The following RADIL variants were observed in gnomAD, a reference collection of about 807,000 sequenced individuals.
RADIL encodes the protein ras-associating and dilute domain-containing protein.
Under a neutral mutation model 97.6 loss-of-function variants are expected in RADIL, and 99 were observed. That is an observed-to-expected ratio of 1.01 (90% CI 0.86 to 1.20). RADIL has a LOEUF of 1.20. Among genes scored for constraint, RADIL ranks in the 50% most tolerant of loss-of-function variants. The pLI, the probability that RADIL is intolerant of heterozygous loss-of-function variation, is 0.00. For missense variants in RADIL, 1,765 were observed against 1,498.9 expected, an observed-to-expected ratio of 1.18 and a Z score of -2.93; for synonymous variants, 803 against 691.8, an observed-to-expected ratio of 1.16 and a Z score of -2.52.
intron 1 of RADIL, among the ~76,000 whole-genome samples, chr7:4,882,756 T>A (rs1257224068): frequency 6.6e-6 from 1 of 152,332 alleles, no homozygotes. Flanking sequence ...TGCTAGCTGC[T>A]GGAGAGGAGA....
intron 2 of RADIL, among the ~76,000 whole-genome samples, chr7:4,856,836 C>G (rs1783844262): frequency 6.6e-6 from 1 of 152,192 alleles, no homozygotes; most frequent in Admixed American, 6.5e-5. Flanking sequence ...CAAACAATGG[C>G]TGATAGGGAT....
chr7:4,860,215 G>C (rs769617507), intron 2 of RADIL: 5 of 1,614,024 alleles, frequency 3.1e-6, no homozygotes, highest in Non-Finnish European at 8.5e-7. Context: ...CAGACATGCT[G>C]TTTTCACAGC....
rs767321138 is a variant in RADIL at position 4,822,596 on chromosome 7, C to T, written c.1455-42G>A. 1.3e-6 allele frequency: 2 copies of T among 1,590,362 alleles called. No homozygotes were observed. Among genetic ancestry groups the T allele is most frequent in the Non-Finnish European group, 1.7e-6 (2 of 1,170,160 alleles). On this transcript the variant is annotated intron_variant, in intron 5 of 14. Coordinates refer to ENST00000399583, the MANE Select transcript of RADIL (RefSeq NM_018059.5). This position sits in a 1 kb window ranked among gnomAD's most constrained non-coding sequence, Gnocchi z 5.3. ...ACTAAGAGTTACGCGGGGACCCGACCCTCAGGAGGCTGAATCTACCACTCT... is the reference window on the plus strand; with the variant it reads ...ACTAAGAGTTACGCGGGGACCCGACTCTCAGGAGGCTGAATCTACCACTCT...
rs1783404309 is a variant in RADIL at position 4,840,133 on chromosome 7, G to A, written c.536-3528C>T. ...GCTTTGTGACTTGGCCCTGTCCCAA[G>A]ATGAGGCTGCGGCAGATGGGACCCA... On this transcript the variant is annotated intron_variant, in intron 2 of 14. Coordinates refer to ENST00000399583, the MANE Select transcript of RADIL (RefSeq NM_018059.5). The surrounding 1 kb of genome is among the most constrained non-coding windows in gnomAD (Gnocchi z 5.6). Among the ~76,000 whole-genome samples the A allele has an allele frequency of 6.6e-6, 1 of 152,200 alleles. No individual in the cohort carries two copies. The highest frequency in any genetic ancestry group is 1.5e-5 in the Non-Finnish European group (1 of 68,044).
chr7:4,852,834 C>T lies in RADIL; in HGVS notation c.536-16229G>A, dbSNP rs145145417. The stretch of plus-strand genomic sequence containing the variant: ...CTGGGATTACAGGCGTGAGCCACCG[C>T]GCCTGGCCCATTTCCCTCACTTTTG... On this transcript the variant is annotated intron_variant, in intron 2 of 14. Transcript: ENST00000399583. Among the ~76,000 whole-genome samples, 1,133 of 152,274 alleles carry T rather than the reference C, an allele frequency of 7.4e-3. 8 individuals carry two copies. Among genetic ancestry groups the T allele is most frequent in the Non-Finnish European group, 0.011 (770 of 68,024 alleles).
At chr7:4,841,910 G>C (rs1783449233) in intron 2 of RADIL, among the ~76,000 whole-genome samples, 1 of 152,136 alleles carries the variant, frequency 6.6e-6, no homozygotes, top group Admixed American at 6.6e-5. Context: ...ACAAAAATTA[G>C]CTGGGTGTGG....
At position 4,837,088 on chromosome 7, in the gene RADIL, C is replaced by T. The variant is rs150734418; in HGVS notation, c.536-483G>A. ...AGGACTCTGCCCTCTAGCCACGCCC[C>T]TCGAAAAACCAGACAGTGCCTTGGC... On this transcript the variant is annotated intron_variant, in intron 2 of 14. Coordinates refer to ENST00000399583, the MANE Select transcript of RADIL (RefSeq NM_018059.5). The surrounding 1 kb of genome is among the most constrained non-coding windows in gnomAD (Gnocchi z 5.6). Among the ~76,000 whole-genome samples the T allele has an allele frequency of 0.015, 2,258 of 152,286 alleles. 31 individuals are homozygous for T. The highest frequency in any genetic ancestry group is 0.027 in the Middle Eastern group (8 of 294).
At chr7:4,826,960 C>T (rs568782324) in intron 5 of RADIL, among the ~76,000 whole-genome samples, 1 of 152,234 alleles carries the variant, frequency 6.6e-6, no homozygotes, top group East Asian at 1.9e-4. Context: ...TGAACCTAAA[C>T]TTTCCCTGGT....
chr7:4,803,999 T>G, intron 10 of RADIL: 1 of 582,472 alleles, frequency 1.7e-6, no homozygotes, highest in Non-Finnish European at 3.2e-6. Flanking sequence ...AACAAGGCCT[T>G]GTAGCCAGGA....
intron 2 of RADIL, chr7:4,861,465 C>G (rs1242947550): frequency 1.2e-6 from 2 of 1,614,074 alleles, no homozygotes; most frequent in Non-Finnish European, 8.5e-7. Context: ...CACAAGGCGT[C>G]AATATCTGCG....
chr7:4,839,515 GT>G (rs1416056921), intron 2 of RADIL, among the ~76,000 whole-genome samples: 2 of 152,168 alleles, frequency 1.3e-5, no homozygotes, highest in East Asian at 3.9e-4. Context: ...CCTAGGCATG[GT>G]GGAAAAAATG....
In RADIL at chr7:4,842,978, G is replaced by A. The variant is rs139478456; in HGVS notation, c.536-6373C>T. Among the ~76,000 whole-genome samples the A allele has an allele frequency of 7.1e-3, 1,076 of 151,004 alleles. 16 individuals are homozygous for A. Among genetic ancestry groups the A allele is most frequent in the African/African-American group, 0.025 (1,021 of 41,048 alleles). ...TCAGAATAGCTGGGACTATAGGTGC[G>A]CACCCCCATGCCCGGCAAGAGACAA... is the stretch of plus-strand genomic sequence containing the variant. On this transcript the variant is annotated intron_variant, in intron 2 of 14. Coordinates refer to ENST00000399583, the MANE Select transcript of RADIL (RefSeq NM_018059.5). The surrounding 1 kb of genome is among the most constrained non-coding windows in gnomAD (Gnocchi z 4.5).
intron 7 of RADIL, 44 bp from the exon 8 acceptor site, chr7:4,816,509 C>T (rs749819171): frequency 3.3e-6 from 5 of 1,527,784 alleles, no homozygotes; most frequent in East Asian, 2.3e-5. Context: ...TTTCCAGGAG[C>T]GCTGGCGGCC....
chr7:4,836,654 A>G, intron 2 of RADIL, 49 bp from the exon 3 acceptor site: 1 of 1,598,642 alleles, frequency 6.3e-7, no homozygotes, highest in Non-Finnish European at 8.5e-7. Context: ...TCATAGCACC[A>G]GGACTGGGCG....
intron 2 of RADIL, among the ~76,000 whole-genome samples, chr7:4,876,461 C>T (rs1466538639): frequency 1.3e-5 from 2 of 151,936 alleles, no homozygotes; most frequent in Non-Finnish European, 2.9e-5. Flanking sequence ...CCACCACGCC[C>T]GGCTAATTTT....
At chr7:4,808,692 AACGCCACT>A (rs1782427898) in intron 9 of RADIL, 1 of 800,648 alleles carries the variant, frequency 1.2e-6, no homozygotes, top group African/African-American at 2.7e-5. Context: ...CCCCCGTTCC[AACGCCACT>A]GCCCCTCCGT....
At position 4,877,772 on chromosome 7, in the gene RADIL, C is replaced by A; in HGVS notation, c.368G>T (p.Gly123Val). 1 of 1,612,970 alleles carries A rather than the reference C, an allele frequency of 6.2e-7. No homozygotes were observed. Among genetic ancestry groups the A allele is most frequent in the Non-Finnish European group, 8.5e-7 (1 of 1,179,994 alleles). ...AAAGCACCGGGCCTGCCACCGCTGCCCAGCATCGCCGGCTTGGCCCACCAC... is the reference window on the plus strand; with the variant it reads ...AAAGCACCGGGCCTGCCACCGCTGCACAGCATCGCCGGCTTGGCCCACCAC... ...CDVVGQAGDA[G>V]QRWQARCFRV... Residue 123 changes from glycine to valine, a missense_variant, in exon 2 of 15, where the codon GGG becomes GTG. Transcript: ENST00000399583.
At chr7:4,852,823 G>A (rs1462537272) in intron 2 of RADIL, among the ~76,000 whole-genome samples, 5 of 152,136 alleles carry the variant, frequency 3.3e-5, no homozygotes, top group East Asian at 3.8e-4. Flanking sequence ...GATTACAGGC[G>A]TGAGCCACCG....
At position 4,854,416 on chromosome 7, in the gene RADIL, G is replaced by T. The variant is rs532838961; in HGVS notation, c.536-17811C>A. Among the ~76,000 whole-genome samples, 1 of 152,284 alleles carries T rather than the reference G, an allele frequency of 6.6e-6. No homozygotes were observed. The highest frequency in any genetic ancestry group is 2.1e-4 in the South Asian group (1 of 4,826). ...GATAAAGAGGTTACCACTTTGGGCC[G>T]GGCGCGGTGGCTCACGCCTGTAATC... On this transcript the variant is annotated intron_variant, in intron 2 of 14. Coordinates refer to ENST00000399583, the MANE Select transcript of RADIL (RefSeq NM_018059.5). The surrounding 1 kb of genome is among the most constrained non-coding windows in gnomAD (Gnocchi z 5.1).
Sources: allele counts gnomAD v4.1 joint callset (sites outside exome capture counted in the v4.1 genomes callset), GRCh38; gene constraint gnomAD v4.1.1; non-coding constraint Gnocchi (gnomAD v3.1); transcripts MANE v1.5; gene names NCBI Gene and HGNC (gene_info 2026-07-23, HGNC 2026-07-21).